Variants in RLN2 observed in about 807,000 individuals in gnomAD.
RLN2 encodes the protein relaxin 2.
A neutral mutation model predicts 7.3 loss-of-function variants in RLN2; 10 were observed. The ratio of observed to expected loss-of-function variants is 1.36; its 90% CI spans 0.84 to 2.31. RLN2 has a LOEUF of 2.31. Among genes scored for constraint, RLN2 ranks in the 30% most tolerant of loss-of-function variants. The pLI is 0.00. For synonymous variants in RLN2, 103 were observed against 82.3 expected (o/e 1.25, Z -1.36); for missense variants, 298 against 217.6 (o/e 1.37, Z -2.32).
upstream of RLN2, among the ~76,000 whole-genome samples, chr9:5,305,952 AAC>A (rs1396407608): frequency 6.6e-6 from 1 of 151,974 alleles, no homozygotes; most frequent in African/African-American, 2.4e-5. Context: ...TTTTCATTAA[AAC>A]ACGCAGTTTG....
upstream of RLN2, among the ~76,000 whole-genome samples, chr9:5,305,402 C>CACACAG (rs397829533): frequency 0.052 from 5,806 of 111,472 alleles, 170 homozygotes; most frequent in East Asian, 0.1. Flanking sequence ...CACACACACA[C>CACACAG]AGAGAGAGAG....
At chr9:5,317,804 T>G in the RLN2 span, among the ~76,000 whole-genome samples, 1 of 151,922 alleles carries the variant, frequency 6.6e-6, no homozygotes, top group Admixed American at 6.6e-5. Context: ...CAGTTGTATT[T>G]ATAATAAGAG....
chr9:5,317,472 G>T, the RLN2 span, among the ~76,000 whole-genome samples: 2 of 149,818 alleles, frequency 1.3e-5, no homozygotes, highest in African/African-American at 4.9e-5. Flanking sequence ...AAATAGCTGG[G>T]CTACACTGAG....
At chr9:5,330,637 C>CAAAAAAA in the RLN2 span, among the ~76,000 whole-genome samples, 18 of 74,500 alleles carry the variant, frequency 2.4e-4, no homozygotes, top group South Asian at 5.1e-4. Flanking sequence ...GACTCCATCT[C>CAAAAAAA]AAAAAAAAAA....
the RLN2 span, among the ~76,000 whole-genome samples, chr9:5,334,092 CCCCTTGAAAACCAG>C: frequency 3.0e-3 from 457 of 152,104 alleles, 5 homozygotes; most frequent in Non-Finnish European, 4.3e-3. Context: ...TGGAAGCATT[CCCCTTGAAAACCAG>C]CACAAGACAA....
the RLN2 span, among the ~76,000 whole-genome samples, chr9:5,326,627 G>A: frequency 6.6e-6 from 1 of 152,122 alleles, no homozygotes; most frequent in South Asian, 2.1e-4. Flanking sequence ...GCATCAAACA[G>A]AGAATGCCCA....
the RLN2 span, among the ~76,000 whole-genome samples, chr9:5,319,835 TC>T: frequency 6.6e-6 from 1 of 151,978 alleles, no homozygotes; most frequent in Non-Finnish European, 1.5e-5. Flanking sequence ...AGAATAACAT[TC>T]TTTATGAAGT....
chr9:5,302,384 T>C (rs1302803984), intron 1 of RLN2, among the ~76,000 whole-genome samples: 3 of 152,182 alleles, frequency 2.0e-5, no homozygotes, highest in African/African-American at 4.8e-5. Flanking sequence ...TTAGCACATA[T>C]TGTAGGATGA....
At chr9:5,329,888 C>T in the RLN2 span, among the ~76,000 whole-genome samples, 1 of 152,050 alleles carries the variant, frequency 6.6e-6, no homozygotes, top group Non-Finnish European at 1.5e-5. Flanking sequence ...AGGACTTGAA[C>T]TCAGCTCTGC....
At chr9:5,319,293 G>A in the RLN2 span, among the ~76,000 whole-genome samples, 1 of 151,924 alleles carries the variant, frequency 6.6e-6, no homozygotes, top group Non-Finnish European at 1.5e-5. Flanking sequence ...AACTGAGGGT[G>A]AGCAGGGAAG....
At chr9:5,315,932 C>A in the RLN2 span, among the ~76,000 whole-genome samples, 1 of 152,020 alleles carries the variant, frequency 6.6e-6, no homozygotes, top group East Asian at 1.9e-4. Context: ...CTATACCTGC[C>A]TTACAAGAAA....
chr9:5,328,468 C>T, the RLN2 span, among the ~76,000 whole-genome samples: 1 of 151,936 alleles, frequency 6.6e-6, no homozygotes, highest in Non-Finnish European at 1.5e-5. Context: ...GAGAATGGAA[C>T]CAAGTTAGAA....
At chr9:5,334,371 T>C in the RLN2 span, among the ~76,000 whole-genome samples, 1 of 152,042 alleles carries the variant, frequency 6.6e-6, no homozygotes, top group Non-Finnish European at 1.5e-5. Context: ...GATTAACTTG[T>C]CATTCAACTG....
chr9:5,304,589 T>C lies in RLN2; in HGVS notation c.-9A>G. 1 of 1,613,206 alleles carries C rather than the reference T, an allele frequency of 6.2e-7. No individual in the cohort carries two copies. The highest frequency in any genetic ancestry group is 1.1e-5 in the South Asian group (1 of 91,032). ...AAAAACAGGCGAGGCATCCTGGGCC[T>C]GGTCTCTCCTGGAGGTCGGGACGTT... On this transcript the variant is annotated 5_prime_UTR_variant, in exon 1 of 2. Transcript: ENST00000381627.
chr9:5,318,375 T>C, the RLN2 span, among the ~76,000 whole-genome samples: 2 of 152,040 alleles, frequency 1.3e-5, no homozygotes, highest in African/African-American at 2.4e-5. Flanking sequence ...AAAAGCCTTC[T>C]ATTTCCTACA....
upstream of RLN2, among the ~76,000 whole-genome samples, chr9:5,306,102 G>GTT (rs57304439): frequency 1.6e-4 from 20 of 123,456 alleles, no homozygotes; most frequent in Admixed American, 4.0e-4. Flanking sequence ...CTTTGTTTTT[G>GTT]TTTTTTGTTT....
the RLN2 span, among the ~76,000 whole-genome samples, chr9:5,313,576 CAT>C: frequency 6.6e-6 from 1 of 151,852 alleles, no homozygotes; most frequent in East Asian, 1.9e-4. Context: ...ATAATAATTA[CAT>C]ATATATTTAT....
At chr9:5,308,257 T>C (rs748212651), upstream of RLN2, among the ~76,000 whole-genome samples, 52 of 151,970 alleles carry the variant, frequency 3.4e-4, no homozygotes, top group Non-Finnish European at 7.4e-5. Flanking sequence ...CTCAGCAAAC[T>C]GCTGGAAATA....
chr9:5,305,359 C>CCACACACACA (rs34733616), upstream of RLN2, among the ~76,000 whole-genome samples: 24 of 121,890 alleles, frequency 2.0e-4, no homozygotes, highest in East Asian at 1.6e-3. Flanking sequence ...GGAGAACATA[C>CCACACACACA]CACACACACA....
Sources: gnomAD v4.1 joint callset for allele counts (sites outside exome capture counted in the v4.1 genomes callset) on GRCh38, gnomAD v4.1.1 for gene constraint, MANE v1.5 for transcripts, NCBI Gene and HGNC (gene_info 2026-07-23, HGNC 2026-07-21) for gene names.